Variants in FBXL5 observed in about 807,000 individuals in gnomAD.
The protein encoded by FBXL5 is F-box and leucine rich repeat protein 5.
Under a neutral mutation model 78.3 loss-of-function variants are expected in FBXL5, and 26 were observed. The observed-to-expected ratio is 0.33, with a 90% CI of 0.24 to 0.46. The LOEUF is 0.46. FBXL5 is among the 20% of genes least tolerant of loss of function. The probability of loss-of-function intolerance (pLI) is 1.00; values close to 1 mark genes in which losing one functional copy is unlikely to be tolerated. For synonymous variants in FBXL5, 295 were observed against 282.5 expected, an observed-to-expected ratio of 1.04 and a Z score of -0.45; for missense variants, 710 against 829.2, an observed-to-expected ratio of 0.86 and a Z score of 1.77.
intron 1 of FBXL5, among the ~76,000 whole-genome samples, chr4:15,646,313 C>T (rs542975000): frequency 6.6e-6 from 1 of 151,866 alleles, no homozygotes. Context: ...ATGCTTGGCT[C>T]TTAAGCCACA....
chr4:15,639,333 T>C (rs1367081917), intron 3 of FBXL5, among the ~76,000 whole-genome samples: 2 of 152,210 alleles, frequency 1.3e-5, no homozygotes, highest in Non-Finnish European at 2.9e-5. Context: ...CTTCTGGTAC[T>C]AGAGTAACTG....
Position 15,612,276 on chromosome 4 carries a change from G to A in FBXL5, c.1989C>T (p.Asp663=). 6.2e-7 allele frequency: 1 copy of A among 1,601,724 alleles called. No homozygotes were observed. The highest frequency in any genetic ancestry group is 8.5e-7 in the Non-Finnish European group (1 of 1,175,680). Residue 663 remains aspartate, a synonymous_variant, in exon 10 of 11, where the codon GAC becomes GAT. Coordinates refer to ENST00000341285, the MANE Select transcript of FBXL5 (RefSeq NM_012161.4). The part of the protein sequence containing the change: ...SLNDEYFYYC[D]NINGPHADTA... The stretch of plus-strand genomic sequence containing the variant: ...GTTAAAAGGCATTACCGTTAATGTT[G>A]TCACAGTAGTAAAAGTATTCATCAT...
intron 1 of FBXL5, among the ~76,000 whole-genome samples, chr4:15,667,798 T>C (rs1390391396): frequency 6.6e-6 from 1 of 152,164 alleles, no homozygotes; most frequent in Non-Finnish European, 1.5e-5. Flanking sequence ...TCCCAGCACT[T>C]TGGGATGCCA....
rs558972421 is a variant in FBXL5 at position 15,679,570 on chromosome 4, A to C, written c.-284+1813T>G. 8.4e-3 allele frequency among the ~76,000 whole-genome samples: 1,270 copies of C among 151,654 alleles called. 19 individuals are homozygous for C. The highest frequency in any genetic ancestry group is 0.029 in the African/African-American group (1,211 of 41,414). On this transcript the variant is annotated intron_variant, in intron 1 of 4. Coordinates refer to the FBXL5 transcript ENST00000507899. ...AAGGTACAGTTCAGGAACAAAAAAA[A>C]AAAAAAACAAAAAAACAAAAAACCA...
chr4:15,642,203 C>A (rs921954248), intron 2 of FBXL5, among the ~76,000 whole-genome samples: 3 of 151,810 alleles, frequency 2.0e-5, no homozygotes, highest in African/African-American at 7.3e-5. Context: ...TCTATATCAG[C>A]CCTCTCAAAG....
intron 1 of FBXL5, 38 bp from the exon 2 acceptor site, chr4:15,644,746 G>A (rs373133849): frequency 3.1e-5 from 44 of 1,412,624 alleles, no homozygotes; most frequent in African/African-American, 8.0e-5. Flanking sequence ...TAATAAATAC[G>A]TGCAAATATG....
intron 9 of FBXL5, among the ~76,000 whole-genome samples, chr4:15,622,208 C>G (rs1173710563): frequency 2.0e-5 from 3 of 152,116 alleles, no homozygotes; most frequent in Non-Finnish European, 4.4e-5. Flanking sequence ...AACATAATGA[C>G]TAAAGCAGGA....
chr4:15,611,389 G>A (rs1446678258), intron 10 of FBXL5, among the ~76,000 whole-genome samples: 1 of 151,956 alleles, frequency 6.6e-6, no homozygotes, highest in Non-Finnish European at 1.5e-5. Context: ...GTCATCTTAA[G>A]GTGAACTGGG....
rs377059346 is a variant in FBXL5 at position 15,627,973 on chromosome 4, T to C, written c.953A>G (p.His318Arg). The C allele has an allele frequency of 1.3e-5, 21 of 1,613,772 alleles. 1 individual carries two copies. The Admixed American group carries it at 2.8e-4, about 22-fold the overall frequency. The change falls in exon 7 of 11, where the codon CAT (histidine) becomes CGT (arginine). Residue 318 changes from histidine to arginine, a missense_variant. Around this residue, in one of 4 missense-constraint regions of FBXL5, gnomAD observed 517 missense variants for 542.9 expected, o/e 0.95. Coordinates refer to ENST00000341285, the MANE Select transcript of FBXL5 (RefSeq NM_012161.4). The stretch of plus-strand genomic sequence containing the variant: ...TGGTAGAACGTTATGAATTAAGCCA[T>C]GGAGTAAACGTTTTTCCATTTGTGC... ...SIAQMEKRLL[H>R]GLIHNVLPYV...
At position 15,647,845 on chromosome 4, in the gene FBXL5, T is replaced by C. The variant is rs145286179; in HGVS notation, c.85-3137A>G. Among the ~76,000 whole-genome samples the C allele has an allele frequency of 2.8e-4, 42 of 152,294 alleles. 1 individual carries two copies. Among genetic ancestry groups the C allele is most frequent in the Admixed American group, 2.6e-3 (40 of 15,288 alleles). On this transcript the variant is annotated intron_variant, in intron 1 of 10. Coordinates refer to ENST00000341285, the MANE Select transcript of FBXL5 (RefSeq NM_012161.4). ...AACAGGGCTAATAATATTAACTACT[T>C]CACAGAGTTCTTGTGAGAATTTTTT...
At chr4:15,646,765 C>G (rs917360171) in intron 1 of FBXL5, among the ~76,000 whole-genome samples, 2 of 148,114 alleles carry the variant, frequency 1.4e-5, no homozygotes, top group Non-Finnish European at 3.0e-5. Context: ...TCTCATTGTT[C>G]AATTCCCACT....
intron 1 of FBXL5, among the ~76,000 whole-genome samples, chr4:15,680,096 C>A (rs116760799): frequency 1.3e-5 from 2 of 151,300 alleles, no homozygotes; most frequent in African/African-American, 4.9e-5. Context: ...GGAGGAATAT[C>A]CAGAATATAC....
intron 1 of FBXL5, among the ~76,000 whole-genome samples, chr4:15,680,812 C>T (rs1008136314): frequency 2.0e-5 from 3 of 151,518 alleles, no homozygotes; most frequent in African/African-American, 4.8e-5. Flanking sequence ...GAAATTCAAG[C>T]TCCTGTATCT....
chr4:15,656,078 C>A (rs1219866715), upstream of FBXL5, among the ~76,000 whole-genome samples: 1 of 152,230 alleles, frequency 6.6e-6, no homozygotes, highest in Non-Finnish European at 1.5e-5. Flanking sequence ...CGGAAATGCA[C>A]CTCAAGTGCA....
chr4:15,609,733 TAA>T (rs1722114682), intron 10 of FBXL5, among the ~76,000 whole-genome samples: 1 of 152,044 alleles, frequency 6.6e-6, no homozygotes, highest in Admixed American at 6.6e-5. Flanking sequence ...CAAATAAATT[TAA>T]AAGTCATAAA....
intron 5 of FBXL5, among the ~76,000 whole-genome samples, chr4:15,631,108 C>T (rs1231921746): frequency 1.3e-5 from 2 of 152,134 alleles, no homozygotes; most frequent in South Asian, 2.1e-4. Context: ...TGACGTTCCC[C>T]ACCCTGTGTC....
chr4:15,655,942 C>T (rs1716888018), upstream of FBXL5, among the ~76,000 whole-genome samples: 1 of 152,224 alleles, frequency 6.6e-6, no homozygotes, highest in Non-Finnish European at 1.5e-5. Flanking sequence ...GCTTCGGTCC[C>T]GGGCGGCAGC....
chr4:15,624,853 G>A (rs768306276), intron 9 of FBXL5, among the ~76,000 whole-genome samples: 21 of 152,224 alleles, frequency 1.4e-4, no homozygotes, highest in African/African-American at 4.6e-4. Context: ...GACAGCCTAC[G>A]TTTTCCAAAA....
chr4:15,610,460 C>G (rs184202175), intron 10 of FBXL5, among the ~76,000 whole-genome samples: 15 of 152,174 alleles, frequency 9.9e-5, no homozygotes, highest in Admixed American at 9.2e-4. Context: ...AGTCAGATAT[C>G]TTCATCACAA....
Sources: allele counts gnomAD v4.1 joint callset (sites outside exome capture counted in the v4.1 genomes callset), GRCh38; gene constraint gnomAD v4.1.1; regional missense constraint gnomAD v4.1.1; transcripts MANE v1.5; gene names NCBI Gene and HGNC (gene_info 2026-07-23, HGNC 2026-07-21).